ABCC3: variants seen among roughly 807,000 people sequenced by gnomAD.
ABCC3 encodes ATP binding cassette subfamily C member 3, also known as ATP-binding cassette sub-family C member 3.
ABCC3 carries 121 observed loss-of-function variants against 165.3 expected under a neutral mutation model. That is an observed-to-expected ratio of 0.73 (90% CI 0.63 to 0.85). The LOEUF (loss-of-function observed/expected upper bound fraction) is 0.85, where lower values mean the gene tolerates loss of function less well. ABCC3 is among the 40% of genes least tolerant of loss of function. ABCC3 has a pLI of 0.00. For missense variants in ABCC3, 1,869 were observed against 1,964.1 expected (o/e 0.95, Z 0.92); for synonymous variants, 733 against 810.1 (o/e 0.90, Z 1.62).
In ABCC3 at chr17:50,663,754, C is replaced by T. The variant is rs747723253; in HGVS notation, c.1072C>T (p.Leu358=). ...WGFLVAGLMF[L]CSMMQSLILQ... is the part of the protein sequence containing the mutation. ...CTTCCTGGTGGCTGGGCTGATGTTC[C>T]TGTGCTCCATGATGCAGTCGCTGAT... Residue 358 remains leucine (L), a synonymous_variant, in exon 9 of 31, where the codon CTG becomes TTG. Coordinates refer to ENST00000285238, the MANE Select transcript of ABCC3 (RefSeq NM_003786.4). 2 of 1,614,242 alleles carry T rather than the reference C, an allele frequency of 1.2e-6. No individual in the cohort carries two copies. Among genetic ancestry groups the T allele is most frequent in the Admixed American group, 3.3e-5 (2 of 60,036 alleles).
chr17:50,636,452 C>A (rs2054181140), intron 1 of ABCC3, among the ~76,000 whole-genome samples: 1 of 152,172 alleles, frequency 6.6e-6, no homozygotes, highest in Non-Finnish European at 1.5e-5. Context: ...GATGGTGCAA[C>A]TTCTCTGCCA....
chr17:50,648,782 T>C (rs1451871525), intron 1 of ABCC3, among the ~76,000 whole-genome samples: 1 of 152,114 alleles, frequency 6.6e-6, no homozygotes, highest in East Asian at 1.9e-4. Context: ...GCCAACTCTT[T>C]AGTGTCTTAC....
Position 50,657,265 on chromosome 17 carries a change from C to G in ABCC3, c.486+82C>G, listed in dbSNP as rs564114617. 1,634 of 1,524,982 alleles carry G rather than the reference C, an allele frequency of 1.1e-3. 31 individuals carry two copies. The South Asian group carries it at 0.019, about 18-fold the overall frequency. 94.5% of individuals were successfully genotyped at this position (1,524,982 alleles called of 1,614,324 possible). A position where few individuals can be genotyped will look rare whatever the true frequency, so the allele number is the denominator to read the frequency against. Reference sequence around the variant, plus strand: ...CAGGGTTCAAAGTCACTGCTGGGTCCCAGGTCCCTCCCTCGAGGCTTCAAG... The same window carrying G: ...CAGGGTTCAAAGTCACTGCTGGGTCGCAGGTCCCTCCCTCGAGGCTTCAAG... On this transcript the variant is annotated intron_variant, in intron 4 of 30. Coordinates refer to ENST00000285238, the MANE Select transcript of ABCC3 (RefSeq NM_003786.4).
rs545181519 is a variant in ABCC3, at chr17:50,669,049, A to G, written c.1938-91A>G. On this transcript the variant is annotated intron_variant, in intron 15 of 30. Coordinates refer to ENST00000285238, the MANE Select transcript of ABCC3 (RefSeq NM_003786.4). ...TCAGCCTGCCAGGGGGGTGTCTGGAAGGGCGGAGGGCTTGGTTCTGCAGGT... is the reference window on the plus strand; with the variant it reads ...TCAGCCTGCCAGGGGGGTGTCTGGAGGGGCGGAGGGCTTGGTTCTGCAGGT... The G allele has an allele frequency of 2.6e-5, 41 of 1,595,906 alleles. No homozygotes were observed. The African/African-American group carries it at 4.4e-4, about 17-fold the overall frequency.
chr17:50,661,647 T>C (rs74667248), intron 8 of ABCC3, among the ~76,000 whole-genome samples: 2,136 of 152,314 alleles, frequency 0.014, 48 homozygotes, highest in African/African-American at 0.049. Context: ...CCTCCGTGCA[T>C]GCATTAATTT....
In ABCC3 at chr17:50,657,101, G is replaced by A. The variant is rs753448175; in HGVS notation, c.404G>A (p.Gly135Glu). 11 of 1,614,146 alleles carry A rather than the reference G, an allele frequency of 6.8e-6. No individual in the cohort carries two copies. Among genetic ancestry groups the A allele is most frequent in the Non-Finnish European group, 8.5e-6 (10 of 1,180,024 alleles). Residue 135 changes from glycine to glutamate, a missense_variant, in exon 4 of 31, where the codon GGG (glycine) becomes GAG (glutamate). Coordinates refer to ENST00000285238, the MANE Select transcript of ABCC3 (RefSeq NM_003786.4). ...CGGCTGCAGGGCGTACAGTCTTCGG[G>A]GGTCCTCATTATCTTCTGGTTCCTG... The part of the protein sequence containing the change: ...YERLQGVQSS[G>E]VLIIFWFLCV...
chr17:50,644,784 C>T (rs1252775081), intron 1 of ABCC3, among the ~76,000 whole-genome samples: 1 of 151,676 alleles, frequency 6.6e-6, no homozygotes, highest in Non-Finnish European at 1.5e-5. Context: ...TTTGGGAGGC[C>T]GAGGTGGGCA....
At chr17:50,660,500 C>T (rs1978153) in intron 7 of ABCC3, among the ~76,000 whole-genome samples, 2 of 151,912 alleles carry the variant, frequency 1.3e-5, no homozygotes, top group Non-Finnish European at 2.9e-5. Flanking sequence ...GGAGCCTCCA[C>T]GAAGACCTAT....
Position 50,679,919 on chromosome 17 carries a change from C to G in ABCC3, c.3807+20C>G. ...ACAGAGGTGGGTACTGGCATGAGCC[C>G]GGGACAGGGGGAATCTGAAGTAGCT... On this transcript the variant is annotated intron_variant, in intron 26 of 30. Coordinates refer to ENST00000285238, the MANE Select transcript of ABCC3 (RefSeq NM_003786.4). The G allele has an allele frequency of 6.3e-7, 1 of 1,598,042 alleles. No individual in the cohort carries two copies. The highest frequency in any genetic ancestry group is 8.6e-7 in the Non-Finnish European group (1 of 1,165,828).
Position 50,663,743 on chromosome 17 carries a change from G to A in ABCC3, c.1061G>A (p.Gly354Glu). 6.2e-7 allele frequency: 1 copy of A among 1,614,180 alleles called. No individual in the cohort carries two copies. The highest frequency in any genetic ancestry group is 8.5e-7 in the Non-Finnish European group (1 of 1,180,038). ...TCCTGGTGGGGCTTCCTGGTGGCTG[G>A]GCTGATGTTCCTGTGCTCCATGATG... ...APSWWGFLVA[G>E]LMFLCSMMQS... Residue 354 changes from glycine to glutamate, a missense_variant, in exon 9 of 31, where the codon GGG becomes GAG. Physicochemically the swap from Gly to Glu is moderately conservative, Grantham distance 98. Coordinates refer to ENST00000285238, the MANE Select transcript of ABCC3 (RefSeq NM_003786.4).
chr17:50,650,266 C>T (rs1032093616), intron 1 of ABCC3, among the ~76,000 whole-genome samples: 11 of 152,258 alleles, frequency 7.2e-5, no homozygotes, highest in Admixed American at 3.3e-4. Flanking sequence ...CCACCACACC[C>T]GGCTTATTTT....
chr17:50,640,377 G>T (rs73342287), intron 1 of ABCC3, among the ~76,000 whole-genome samples: 3 of 152,168 alleles, frequency 2.0e-5, no homozygotes, highest in Non-Finnish European at 2.9e-5. Flanking sequence ...TGTCATGAGC[G>T]TGAAATGATC....
At chr17:50,644,114 C>A (rs1247734542) in intron 1 of ABCC3, among the ~76,000 whole-genome samples, 2 of 151,184 alleles carry the variant, frequency 1.3e-5, no homozygotes, top group African/African-American at 4.9e-5. Flanking sequence ...AGTTCGAGAC[C>A]AGCCTGACCA....
rs200445367 is a variant in ABCC3, at chr17:50,657,202, G to A, written c.486+19G>A. Reference sequence around the variant, plus strand: ...GGCAGAGGTAAGGTTGGGGGAGAGGGGAACCTGCCAGGTTTAGCCCTGATA... The same window carrying A: ...GGCAGAGGTAAGGTTGGGGGAGAGGAGAACCTGCCAGGTTTAGCCCTGATA... On this transcript the variant is annotated intron_variant, in intron 4 of 30. Transcript: ENST00000285238. 9.9e-6 allele frequency: 16 copies of A among 1,611,792 alleles called. No individual in the cohort carries two copies. The highest frequency in any genetic ancestry group is 1.2e-5 in the Non-Finnish European group (14 of 1,178,782).
At chr17:50,662,147 C>T (rs982439672) in intron 8 of ABCC3, 2 of 152,404 alleles carry the variant, frequency 1.3e-5, no homozygotes, top group East Asian at 1.9e-4. Context: ...TGGGCCAACC[C>T]GGTCAGATGG....
At position 50,656,939 on chromosome 17, in the gene ABCC3, G is replaced by A. The variant is rs182309065; in HGVS notation, c.349-107G>A. ...GGGCTGGACATATTGGGAATGGGAA[G>A]AAGAAGGGGGTGGCCCCAGAAACTT... is the stretch of plus-strand genomic sequence containing the variant. On this transcript the variant is annotated intron_variant, in intron 3 of 30. Coordinates refer to ENST00000285238, the MANE Select transcript of ABCC3 (RefSeq NM_003786.4). 27 of 1,548,044 alleles carry A rather than the reference G, an allele frequency of 1.7e-5. No homozygotes were observed. The East Asian group carries it at 6.1e-4, about 35-fold the overall frequency.
intron 1 of ABCC3, among the ~76,000 whole-genome samples, chr17:50,644,135 A>AC (rs1274225274): frequency 6.6e-6 from 1 of 151,132 alleles, no homozygotes; most frequent in Non-Finnish European, 1.5e-5. Flanking sequence ...ACACGGTGAA[A>AC]CCCCGTCTCT....
Position 50,635,122 on chromosome 17 carries a change from C to T in ABCC3, c.45+141C>T, listed in dbSNP as rs1184494449. On this transcript the variant is annotated intron_variant, in intron 1 of 30. Coordinates refer to ENST00000285238, the MANE Select transcript of ABCC3 (RefSeq NM_003786.4). ...GACGGCCTGGGCGCCCGGGAGGGGG[C>T]GATGGGCTCGGGAGGGAGGTTGGCT... 8.6e-6 allele frequency: 8 copies of T among 930,352 alleles called. No homozygotes were observed. The South Asian group carries it at 3.1e-4, about 36-fold the overall frequency. The allele number at this position is 930,352 out of a possible 1,614,324, so 57.6% of individuals were successfully genotyped here. A position where few individuals can be genotyped will look rare whatever the true frequency, so the allele number is the denominator to read the frequency against.
chr17:50,661,252 C>G, intron 8 of ABCC3, 138 bp downstream of exon 8: 1 of 921,378 alleles, frequency 1.1e-6, no homozygotes, highest in South Asian at 2.1e-5. Context: ...TCTGTGTGAC[C>G]TTTGGCAAGT....
Sources: gnomAD v4.1 joint callset for allele counts (sites outside exome capture counted in the v4.1 genomes callset) on GRCh38, gnomAD v4.1.1 for gene constraint, MANE v1.5 for transcripts, NCBI Gene and HGNC (gene_info 2026-07-23, HGNC 2026-07-21) for gene names.